Variants in ARHGAP42 observed in about 807,000 individuals in gnomAD.
The protein encoded by ARHGAP42 is Rho GTPase activating protein 42, also known as rho GTPase-activating protein 42.
In ARHGAP42, 63 loss-of-function variants were observed where a neutral mutation model predicts 125.0. That is an observed-to-expected ratio of 0.50 (90% CI 0.41 to 0.62). The LOEUF (loss-of-function observed/expected upper bound fraction) is 0.62, where lower values mean the gene tolerates loss of function less well. Ranked by LOEUF, ARHGAP42 falls within the 20% of genes least tolerant of loss-of-function variation. The probability of loss-of-function intolerance (pLI) is 0.00; values close to 1 mark genes in which losing one functional copy is unlikely to be tolerated. For synonymous variants in ARHGAP42, 339 were observed against 351.0 expected, an observed-to-expected ratio of 0.97 and a Z score of 0.38; for missense variants, 766 against 1,024.2, an observed-to-expected ratio of 0.75 and a Z score of 3.44.
intron 6 of ARHGAP42, among the ~76,000 whole-genome samples, chr11:100,932,506 A>G (rs866564296): frequency 6.6e-6 from 1 of 152,170 alleles, no homozygotes; most frequent in African/African-American, 2.4e-5. Flanking sequence ...ATAAATACAC[A>G]TATGAATTTG....
At chr11:100,706,774 T>C (rs1861487670) in intron 1 of ARHGAP42, among the ~76,000 whole-genome samples, 1 of 152,196 alleles carries the variant, frequency 6.6e-6, no homozygotes, top group African/African-American at 2.4e-5. Context: ...TTCACTGCCA[T>C]AAAATTTACC....
intron 1 of ARHGAP42, among the ~76,000 whole-genome samples, chr11:100,698,228 T>A (rs1180511355): frequency 2.4e-4 from 36 of 152,112 alleles, no homozygotes; most frequent in Non-Finnish European, 4.4e-5. Context: ...TCCCATCACT[T>A]TGGGCGGCTG....
At chr11:100,744,327 C>T (rs948867222) in intron 1 of ARHGAP42, among the ~76,000 whole-genome samples, 6 of 152,156 alleles carry the variant, frequency 3.9e-5, no homozygotes, top group African/African-American at 1.4e-4. Flanking sequence ...TTACCTTTCT[C>T]TGATATCTCC....
intron 3 of ARHGAP42, among the ~76,000 whole-genome samples, chr11:100,832,290 G>A (rs1864681337): frequency 6.6e-6 from 1 of 152,236 alleles, no homozygotes; most frequent in Admixed American, 6.5e-5. Context: ...CTGTCCTACA[G>A]CAAGCCACGG....
Position 100,973,162 on chromosome 11 carries a change from T to C in ARHGAP42, c.1551-13T>C, listed in dbSNP as rs749894526. 77 of 1,498,176 alleles carry C rather than the reference T, an allele frequency of 5.1e-5. No individual in the cohort carries two copies. The highest frequency in any genetic ancestry group is 1.3e-5 in the South Asian group (1 of 75,200). 92.8% of individuals were successfully genotyped at this position (1,498,176 alleles called of 1,614,324 possible). On this transcript the variant is annotated splice_polypyrimidine_tract_variant and intron_variant, in intron 17 of 23. Transcript: ENST00000298815. The stretch of plus-strand genomic sequence containing the variant: ...ATATAACTTAAGATATTTTTGTTGC[T>C]TTTTATTTGCAGAGTATCACTACAC...
At chr11:100,810,260 A>T (rs957323866) in intron 3 of ARHGAP42, among the ~76,000 whole-genome samples, 1 of 152,238 alleles carries the variant, frequency 6.6e-6, no homozygotes, top group Non-Finnish European at 1.5e-5. Flanking sequence ...TCAATGAGTC[A>T]GTTCAAAAGA....
intron 12 of ARHGAP42, 29 bp downstream of exon 12, chr11:100,949,985 T>G (rs1591316132): frequency 2.2e-6 from 3 of 1,338,750 alleles, no homozygotes; most frequent in Non-Finnish European, 3.1e-6. Flanking sequence ...TATTTAAAAT[T>G]TTATCATGAA....
At chr11:100,740,641 TG>T (rs1264382809) in intron 1 of ARHGAP42, among the ~76,000 whole-genome samples, 4 of 152,170 alleles carry the variant, frequency 2.6e-5, no homozygotes, top group East Asian at 1.9e-4. Context: ...TGATGTAGAA[TG>T]GTTCCTGAAA....
intron 1 of ARHGAP42, among the ~76,000 whole-genome samples, chr11:100,722,072 A>G (rs1235377825): frequency 6.6e-6 from 1 of 152,200 alleles, no homozygotes; most frequent in Non-Finnish European, 1.5e-5. Context: ...GCAATGAGTA[A>G]GAGTTCCTGT....
At chr11:100,972,560 GA>G (rs2098388206) in intron 17 of ARHGAP42, among the ~76,000 whole-genome samples, 1 of 140,430 alleles carries the variant, frequency 7.1e-6, no homozygotes. Context: ...AGAGGAAAGA[GA>G]AAGAAAAGAA....
intron 3 of ARHGAP42, among the ~76,000 whole-genome samples, chr11:100,812,020 T>TA (rs907923571): frequency 6.6e-6 from 1 of 151,778 alleles, no homozygotes; most frequent in Admixed American, 6.6e-5. Flanking sequence ...AGGCTGGTGT[T>TA]AAACTCCTGG....
At chr11:100,904,620 T>A (rs1866670510) in intron 4 of ARHGAP42, among the ~76,000 whole-genome samples, 1 of 152,122 alleles carries the variant, frequency 6.6e-6, no homozygotes, top group Non-Finnish European at 1.5e-5. Flanking sequence ...TCTTTTGTCC[T>A]TTTTCTCCTT....
rs527285536 is a variant in ARHGAP42 at position 100,967,525 on chromosome 11, G to A, written c.1550+1749G>A. Reference sequence around the variant, plus strand: ...GCTAGTGGTATTAAATTTGCCAATCGATGTTTTTAATTCAATAATATTCAG... The same window carrying A: ...GCTAGTGGTATTAAATTTGCCAATCAATGTTTTTAATTCAATAATATTCAG... On this transcript the variant is annotated intron_variant, in intron 17 of 23. Transcript: ENST00000298815. 1.5e-3 allele frequency among the ~76,000 whole-genome samples: 226 copies of A among 152,132 alleles called. 2 individuals are homozygous for A. The highest frequency in any genetic ancestry group is 4.0e-3 in the African/African-American group (165 of 41,486).
intron 1 of ARHGAP42, among the ~76,000 whole-genome samples, chr11:100,695,237 A>G (rs1367598936): frequency 3.9e-5 from 6 of 152,228 alleles, no homozygotes; most frequent in African/African-American, 1.4e-4. Flanking sequence ...GTCAATGGAA[A>G]TGTAATTATT....
At chr11:100,782,906 C>G (rs937442189) in intron 2 of ARHGAP42, among the ~76,000 whole-genome samples, 1 of 152,192 alleles carries the variant, frequency 6.6e-6, no homozygotes, top group Non-Finnish European at 1.5e-5. Flanking sequence ...CACTTTCCTA[C>G]TTAAATAGTT....
intron 1 of ARHGAP42, among the ~76,000 whole-genome samples, chr11:100,703,588 T>A (rs1194371608): frequency 6.6e-6 from 1 of 152,182 alleles, no homozygotes; most frequent in Non-Finnish European, 1.5e-5. Flanking sequence ...TAATAGGAAA[T>A]GATTATAAGA....
In ARHGAP42 at chr11:100,833,814, A is replaced by T. The variant is rs1039084463; in HGVS notation, c.313-25740A>T. Among the ~76,000 whole-genome samples, 28 of 152,184 alleles carry T rather than the reference A, an allele frequency of 1.8e-4. 1 individual carries two copies. ...AAGTGACTCACTCTGGCTGGCCCAT[A>T]TTCAACAGGAGGGAAATTGGGCTGT... On this transcript the variant is annotated intron_variant, in intron 3 of 23. Transcript: ENST00000298815.
intron 6 of ARHGAP42, among the ~76,000 whole-genome samples, chr11:100,921,919 A>G (rs1373573795): frequency 1.3e-5 from 2 of 151,892 alleles, no homozygotes; most frequent in Admixed American, 1.3e-4. Context: ...TTCATCGACT[A>G]TAACAAATGT....
chr11:100,904,624 T>C (rs1427022856), intron 4 of ARHGAP42, among the ~76,000 whole-genome samples: 3 of 152,120 alleles, frequency 2.0e-5, no homozygotes, highest in Non-Finnish European at 4.4e-5. Context: ...TTGTCCTTTT[T>C]CTCCTTCAAC....
Sources: gnomAD v4.1 joint callset for allele counts (sites outside exome capture counted in the v4.1 genomes callset) on GRCh38, gnomAD v4.1.1 for gene constraint, MANE v1.5 for transcripts, NCBI Gene and HGNC (gene_info 2026-07-23, HGNC 2026-07-21) for gene names.